The following RSRC1 variants were observed in gnomAD, a reference collection of about 807,000 sequenced individuals.
The protein encoded by RSRC1 is arginine and serine rich coiled-coil 1.
Under a neutral mutation model 49.1 loss-of-function variants are expected in RSRC1, and 39 were observed. The ratio of observed to expected loss-of-function variants is 0.79; its 90% confidence interval spans 0.61 to 1.04. The LOEUF is 1.04. Among genes scored for constraint, RSRC1 ranks in the 50% least tolerant of loss-of-function variants. The pLI is 0.00. For missense variants in RSRC1, 388 were observed against 402.4 expected, an observed-to-expected ratio of 0.96 and a Z score of 0.31; for synonymous variants, 143 against 130.8, an observed-to-expected ratio of 1.09 and a Z score of -0.63.
chr3:158,285,572 C>CA (rs1313976697), intron 4 of RSRC1, among the ~76,000 whole-genome samples: 1 of 152,082 alleles, frequency 6.6e-6, no homozygotes, highest in Non-Finnish European at 1.5e-5. Flanking sequence ...TTTCATTGAG[C>CA]AGTGGTTTGT....
chr3:158,383,414 C>T (rs1732808823), intron 6 of RSRC1, among the ~76,000 whole-genome samples: 2 of 151,990 alleles, frequency 1.3e-5, no homozygotes, highest in Admixed American at 1.3e-4. Context: ...GGAATCAATC[C>T]TCTGTGGATG....
At chr3:158,245,694 T>C (rs1723848822) in intron 4 of RSRC1, among the ~76,000 whole-genome samples, 1 of 152,214 alleles carries the variant, frequency 6.6e-6, no homozygotes, top group Non-Finnish European at 1.5e-5. Context: ...TTTATGAATC[T>C]GGGTGCTCCT....
intron 5 of RSRC1, among the ~76,000 whole-genome samples, chr3:158,339,255 G>T (rs1289558460): frequency 7.2e-6 from 1 of 139,146 alleles, no homozygotes; most frequent in Admixed American, 7.9e-5. Flanking sequence ...TTGCGCCACT[G>T]CAGTCCGCAG....
intron 8 of RSRC1, among the ~76,000 whole-genome samples, chr3:158,540,249 G>A (rs1483038993): frequency 6.6e-6 from 1 of 151,638 alleles, no homozygotes; most frequent in Non-Finnish European, 1.5e-5. Context: ...TTGAGACTTG[G>A]CAAAAAAAAT....
intron 3 of RSRC1, among the ~76,000 whole-genome samples, chr3:158,147,206 A>G (rs899974468): frequency 7.1e-6 from 1 of 140,672 alleles, no homozygotes; most frequent in Admixed American, 7.9e-5. Context: ...TCTACCCGCT[A>G]AAAGGAAATT....
At chr3:158,403,863 A>G (rs568619365) in intron 6 of RSRC1, among the ~76,000 whole-genome samples, 1 of 151,958 alleles carries the variant, frequency 6.6e-6, no homozygotes, top group African/African-American at 2.4e-5. Flanking sequence ...ATTTCACACT[A>G]GTCTTGATAG....
chr3:158,140,388 T>G (rs1044645108), intron 3 of RSRC1, among the ~76,000 whole-genome samples: 2 of 152,226 alleles, frequency 1.3e-5, no homozygotes, highest in Non-Finnish European at 2.9e-5. Flanking sequence ...TTAGGTAGTA[T>G]TTTGTTTTCT....
intron 6 of RSRC1, among the ~76,000 whole-genome samples, chr3:158,422,425 A>G (rs1200340943): frequency 6.6e-6 from 1 of 151,610 alleles, no homozygotes; most frequent in Non-Finnish European, 1.5e-5. Flanking sequence ...TTATGGCTGC[A>G]TCGTATTCCA....
chr3:158,346,152 A>G (rs995593086), intron 5 of RSRC1, among the ~76,000 whole-genome samples: 5 of 152,136 alleles, frequency 3.3e-5, no homozygotes, highest in African/African-American at 1.2e-4. Context: ...CCTGATTCCT[A>G]AAAGAGGAAA....
intron 7 of RSRC1, among the ~76,000 whole-genome samples, chr3:158,506,372 T>G (rs1739860418): frequency 6.6e-6 from 1 of 152,056 alleles, no homozygotes; most frequent in African/African-American, 2.4e-5. Context: ...AGCCAGGAAT[T>G]TGAGGCCAGC....
rs1713202621 is a variant in RSRC1, at chr3:158,544,245, A to G, written c.975A>G (p.Gln325=). The G allele has an allele frequency of 1.9e-6, 3 of 1,612,402 alleles. No individual in the cohort carries two copies. In the East Asian group the frequency reaches 6.7e-5, roughly 36 times the overall value. ...KWFKRLIALR[Q]ERLMGSPVA ...TCAAGAGATTAATTGCTCTCCGACA[A>G]GAAAGACTAATGGGCAGTCCTGTGG... Residue 325 remains glutamine (Q), a synonymous_variant, in exon 10 of 10, where the codon CAA becomes CAG. Coordinates refer to ENST00000611884, the MANE Select transcript of RSRC1 (RefSeq NM_001271838.2).
In RSRC1 at chr3:158,323,792, T is replaced by G. The variant is rs1477153129; in HGVS notation, c.531+25717T>G. Among the ~76,000 whole-genome samples the G allele has an allele frequency of 2.6e-5, 4 of 152,212 alleles. 1 individual carries two copies. The highest frequency in any genetic ancestry group is 9.6e-5 in the African/African-American group (4 of 41,464). On this transcript the variant is annotated intron_variant, in intron 5 of 9. Transcript: ENST00000611884. ...TCTGAAGTGATTGTTTTTAGTCATT[T>G]TTGCCCATATGTATAGTTGTTTTTT...
chr3:158,127,301 A>G (rs1373911834), intron 3 of RSRC1, among the ~76,000 whole-genome samples: 1 of 151,932 alleles, frequency 6.6e-6, no homozygotes, highest in African/African-American at 2.4e-5. Context: ...ATAACTCCAT[A>G]ATACGTATAT....
At chr3:158,156,568 T>C (rs559234952) in intron 3 of RSRC1, among the ~76,000 whole-genome samples, 6 of 152,346 alleles carry the variant, frequency 3.9e-5, no homozygotes, top group African/African-American at 1.4e-4. Flanking sequence ...CTTAATCATT[T>C]CTAGCTTTTG....
intron 3 of RSRC1, among the ~76,000 whole-genome samples, chr3:158,175,469 G>T (rs897372143): frequency 6.6e-6 from 1 of 150,460 alleles, no homozygotes; most frequent in Non-Finnish European, 1.5e-5. Context: ...TTCATGTGTG[G>T]TGTGTATGGT....
chr3:158,411,130 C>A (rs1263280916), intron 6 of RSRC1, among the ~76,000 whole-genome samples: 1 of 152,062 alleles, frequency 6.6e-6, no homozygotes, highest in East Asian at 1.9e-4. Context: ...GCAGCATGTT[C>A]ATTTTGTGCT....
At chr3:158,358,711 G>T (rs1397588307) in intron 6 of RSRC1, among the ~76,000 whole-genome samples, 1 of 152,022 alleles carries the variant, frequency 6.6e-6, no homozygotes, top group Non-Finnish European at 1.5e-5. Flanking sequence ...TCTAAACATT[G>T]CAATCACTCC....
At chr3:158,297,997 A>G (rs1380506631) in intron 4 of RSRC1, 42 bp from the exon 5 acceptor site, 2 of 1,430,092 alleles carry the variant, frequency 1.4e-6, no homozygotes, top group Non-Finnish European at 9.8e-7. Context: ...AGAGCAGACA[A>G]GGATTTAGCA....
chr3:158,125,161 T>A (rs1715536197), intron 3 of RSRC1, among the ~76,000 whole-genome samples: 1 of 152,072 alleles, frequency 6.6e-6, no homozygotes, highest in African/African-American at 2.4e-5. Context: ...AATTTTGTTG[T>A]TGTTTTTCAA....
Sources: allele counts gnomAD v4.1 joint callset (sites outside exome capture counted in the v4.1 genomes callset), GRCh38; gene constraint gnomAD v4.1.1; transcripts MANE v1.5; gene names NCBI Gene and HGNC (gene_info 2026-07-23, HGNC 2026-07-21).